Variants in GABRB1 observed in about 807,000 individuals in gnomAD.
The protein encoded by GABRB1 is gamma-aminobutyric acid type A receptor subunit beta1.
GABRB1 carries 17 observed loss-of-function variants against 51.6 expected under a neutral mutation model. That is an observed-to-expected ratio of 0.33 (90% CI 0.23 to 0.49). GABRB1 has a LOEUF of 0.49. Among genes scored for constraint, GABRB1 ranks in the 20% least tolerant of loss-of-function variants. The probability of loss-of-function intolerance (pLI) is 0.99; values close to 1 mark genes in which losing one functional copy is unlikely to be tolerated. For synonymous variants in GABRB1, 247 were observed against 218.9 expected (o/e 1.13, Z -1.14); for missense variants, 410 against 600.6 (o/e 0.68, Z 3.32).
intron 4 of GABRB1, among the ~76,000 whole-genome samples, chr4:47,229,570 A>T (rs192914867): frequency 3.9e-5 from 6 of 152,296 alleles, no homozygotes; most frequent in Non-Finnish European, 7.4e-5. Context: ...GAATCTGTGA[A>T]TATTAACTTA....
chr4:47,277,326 T>G (rs1723120862), intron 4 of GABRB1, among the ~76,000 whole-genome samples: 1 of 151,926 alleles, frequency 6.6e-6, no homozygotes, highest in African/African-American at 2.4e-5. Context: ...TTTGAACTCA[T>G]GGACATAGAG....
chr4:47,027,552 T>C (rs931938488), upstream of GABRB1, among the ~76,000 whole-genome samples: 44 of 151,616 alleles, frequency 2.9e-4, no homozygotes, highest in Non-Finnish European at 6.4e-4. Flanking sequence ...ACAAGAATTT[T>C]TTTTTAAAGA....
Position 47,104,134 on chromosome 4 carries a change from C to T in GABRB1, c.241-57115C>T, listed in dbSNP as rs182854937. The stretch of plus-strand genomic sequence containing the variant: ...GGTTTCTATGAAGAAAAAGGGTTTT[C>T]TCAAGATTTTTGAGATATATTTTCA... On this transcript the variant is annotated intron_variant, in intron 3 of 8. Transcript: ENST00000295454. Among the ~76,000 whole-genome samples the T allele has an allele frequency of 3.8e-3, 577 of 151,654 alleles. 11 individuals carry two copies. Among genetic ancestry groups the T allele is most frequent in the Admixed American group, 0.035 (538 of 15,216 alleles).
intron 5 of GABRB1, among the ~76,000 whole-genome samples, chr4:47,353,824 T>TA (rs1726453846): frequency 6.6e-6 from 1 of 152,188 alleles, no homozygotes; most frequent in African/African-American, 2.4e-5. Flanking sequence ...GTTTATTATT[T>TA]ACCTTCACAT....
intron 4 of GABRB1, among the ~76,000 whole-genome samples, chr4:47,254,459 G>A (rs751044740): frequency 1.2e-4 from 16 of 135,550 alleles, no homozygotes; most frequent in Non-Finnish European, 1.5e-4. Flanking sequence ...TCCGCCTCCC[G>A]AGTTCACGCA....
chr4:47,127,907 C>T (rs547121313), intron 3 of GABRB1, among the ~76,000 whole-genome samples: 9 of 150,612 alleles, frequency 6.0e-5, no homozygotes, highest in African/African-American at 2.2e-4. Flanking sequence ...AAATATAACG[C>T]TAAAAGTTTA....
At chr4:47,386,396 A>G (rs1250662180) in intron 5 of GABRB1, among the ~76,000 whole-genome samples, 1 of 152,206 alleles carries the variant, frequency 6.6e-6, no homozygotes, top group Non-Finnish European at 1.5e-5. Flanking sequence ...ATGAAGACAA[A>G]TAAAATGTAG....
chr4:47,172,870 G>A (rs1029111924), intron 4 of GABRB1, among the ~76,000 whole-genome samples: 1 of 151,876 alleles, frequency 6.6e-6, no homozygotes, highest in Admixed American at 6.6e-5. Flanking sequence ...TTGAGCTCCT[G>A]ACCTCAGATG....
At chr4:47,414,578 T>G (rs1235080866) in intron 8 of GABRB1, among the ~76,000 whole-genome samples, 1 of 152,216 alleles carries the variant, frequency 6.6e-6, no homozygotes, top group African/African-American at 2.4e-5. Flanking sequence ...CCCTTTAGCT[T>G]AGTGATTTGG....
chr4:47,345,196 G>A (rs1471442511), intron 5 of GABRB1, among the ~76,000 whole-genome samples: 1 of 152,110 alleles, frequency 6.6e-6, no homozygotes, highest in African/African-American at 2.4e-5. Flanking sequence ...GAAATGTTAG[G>A]TTAATTATTT....
chr4:47,089,171 T>C (rs979471976), intron 3 of GABRB1, among the ~76,000 whole-genome samples: 1 of 152,234 alleles, frequency 6.6e-6, no homozygotes, highest in Non-Finnish European at 1.5e-5. Flanking sequence ...TAAATGTTTT[T>C]CGTTTTGGGG....
intron 4 of GABRB1, among the ~76,000 whole-genome samples, chr4:47,168,114 C>T (rs1718277664): frequency 6.6e-6 from 1 of 151,960 alleles, no homozygotes; most frequent in African/African-American, 2.4e-5. Flanking sequence ...ATATTAGTGG[C>T]AATTGTATCA....
chr4:47,135,153 T>C lies in GABRB1; in HGVS notation c.241-26096T>C, dbSNP rs139601230. ...AACATGTAAGGAGTAGAGGATAAAG[T>C]AGTAAAATATTTTCTTCCTGGAAAA... On this transcript the variant is annotated intron_variant, in intron 3 of 8. Coordinates refer to ENST00000295454, the MANE Select transcript of GABRB1 (RefSeq NM_000812.4). 7.6e-3 allele frequency among the ~76,000 whole-genome samples: 1,156 copies of C among 152,082 alleles called. 11 individuals are homozygous for C. Among genetic ancestry groups the C allele is most frequent in the African/African-American group, 0.026 (1,089 of 41,490 alleles).
At chr4:47,256,641 A>G (rs1250290008) in intron 4 of GABRB1, among the ~76,000 whole-genome samples, 1 of 152,178 alleles carries the variant, frequency 6.6e-6, no homozygotes, top group African/African-American at 2.4e-5. Context: ...ATCATGGTAG[A>G]AGGCAAAGGA....
At chr4:47,047,368 T>A (rs995800678) in intron 3 of GABRB1, among the ~76,000 whole-genome samples, 1 of 152,132 alleles carries the variant, frequency 6.6e-6, no homozygotes, top group Non-Finnish European at 1.5e-5. Flanking sequence ...ACCTACTTAA[T>A]CTATAAAGCA....
At chr4:47,133,807 T>C (rs1716523458) in intron 3 of GABRB1, among the ~76,000 whole-genome samples, 1 of 152,180 alleles carries the variant, frequency 6.6e-6, no homozygotes, top group Admixed American at 6.5e-5. Context: ...TCTTTGATCA[T>C]TTGGGTAATG....
chr4:47,409,117 G>A (rs1260861956), intron 8 of GABRB1, among the ~76,000 whole-genome samples: 2 of 152,154 alleles, frequency 1.3e-5, no homozygotes, highest in Non-Finnish European at 2.9e-5. Flanking sequence ...TGTGGGAGCC[G>A]GGGCAAGCAC....
chr4:47,403,746 AT>A (rs780550876), intron 7 of GABRB1, 35 bp downstream of exon 7: 1 of 1,593,482 alleles, frequency 6.3e-7, no homozygotes. Context: ...GAGCTAACAG[AT>A]TTTACTTTCA....
chr4:47,020,550 G>T (rs914966013), intron 1 of GABRB1, among the ~76,000 whole-genome samples: 9 of 152,096 alleles, frequency 5.9e-5, no homozygotes, highest in Non-Finnish European at 1.2e-4. Flanking sequence ...TCAGAGAATG[G>T]CAACCCTTCC....
Sources: gnomAD v4.1 joint callset for allele counts (sites outside exome capture counted in the v4.1 genomes callset) on GRCh38, gnomAD v4.1.1 for gene constraint, MANE v1.5 for transcripts, NCBI Gene and HGNC (gene_info 2026-07-23, HGNC 2026-07-21) for gene names.